The following OTOGL variants were observed in gnomAD, a reference collection of about 807,000 sequenced individuals.
The protein encoded by OTOGL is otogelin-like protein.
OTOGL carries 285 observed loss-of-function variants against 318.5 expected under a neutral mutation model. That is an observed-to-expected ratio of 0.89 (90% confidence interval 0.81 to 0.99). OTOGL has a LOEUF of 0.99. Among genes scored for constraint, OTOGL ranks in the 50% least tolerant of loss-of-function variants. The pLI is 0.00. For missense variants in OTOGL, 2,899 were observed against 2,845.6 expected, an observed-to-expected ratio of 1.02 and a Z score of -0.43; for synonymous variants, 987 against 936.5, an observed-to-expected ratio of 1.05 and a Z score of -0.99.
chr12:80,102,845 T>C, intron 1 of OTOGL: 1 of 707,092 alleles, frequency 1.4e-6, no homozygotes, highest in South Asian at 1.6e-5. Flanking sequence ...CATAAGGCTC[T>C]TCTTTTTTTT....
In OTOGL at chr12:80,378,656, T is replaced by A. The variant is rs1891312018; in HGVS notation, c.*608T>A. 1 of 152,212 alleles carries A rather than the reference T, an allele frequency of 6.6e-6. No homozygotes were observed. Among genetic ancestry groups the A allele is most frequent in the Admixed American group, 6.6e-5 (1 of 15,252 alleles). 9.4% of individuals were successfully genotyped at this position (152,212 alleles called of 1,614,324 possible). ...TCAGTGTAATAATATAGTAAATTCA[T>A]GTTAACAGTTGGATTAAATCCTAGC... On this transcript the variant is annotated 3_prime_UTR_variant, in exon 59 of 59. Transcript: ENST00000547103.
At chr12:80,331,660 A>G (rs1888079228) in intron 37 of OTOGL, among the ~76,000 whole-genome samples, 1 of 152,070 alleles carries the variant, frequency 6.6e-6, no homozygotes, top group Admixed American at 6.6e-5. Context: ...AAAGTTTTTA[A>G]AATGTCGTTG....
chr12:80,194,459 A>G (rs1331083929), intron 1 of OTOGL, among the ~76,000 whole-genome samples: 2 of 152,214 alleles, frequency 1.3e-5, no homozygotes, highest in Admixed American at 6.5e-5. Flanking sequence ...CAGAATCACC[A>G]TAAGTCACCA....
intron 1 of OTOGL, among the ~76,000 whole-genome samples, chr12:80,128,119 A>G (rs1030214849): frequency 1.3e-5 from 2 of 152,054 alleles, no homozygotes; most frequent in Admixed American, 1.3e-4. Flanking sequence ...AGGAGCTCTG[A>G]TTTTTAGAAT....
rs1286578636 is a variant in OTOGL, at chr12:80,217,642, T to C, written c.213T>C (p.Asn71=). Residue 71 remains asparagine (N), a synonymous_variant, in exon 5 of 59, where the codon AAT becomes AAC. Transcript: ENST00000547103. ...SPRYFFHDAI[N]WGESKIKGSC... ...GATACTTTTTCCATGATGCTATTAATTGGGGTGAGAGCAAAATAAAAGGTC... is the reference window on the plus strand; with the variant it reads ...GATACTTTTTCCATGATGCTATTAACTGGGGTGAGAGCAAAATAAAAGGTC... The C allele has an allele frequency of 1.9e-6, 3 of 1,553,410 alleles. No individual in the cohort carries two copies. Among genetic ancestry groups the C allele is most frequent in the Non-Finnish European group, 2.6e-6 (3 of 1,147,718 alleles).
intron 19 of OTOGL, among the ~76,000 whole-genome samples, chr12:80,264,475 A>G (rs1882791208): frequency 6.6e-6 from 1 of 152,198 alleles, no homozygotes; most frequent in Non-Finnish European, 1.5e-5. Context: ...TATCTGCCAG[A>G]CATTGTACAC....
At position 80,355,886 on chromosome 12, in the gene OTOGL, G is replaced by A. The variant is rs552528955; in HGVS notation, c.5744G>A (p.Arg1915Gln). 23 of 1,613,912 alleles carry A rather than the reference G, an allele frequency of 1.4e-5. No individual in the cohort carries two copies. Among genetic ancestry groups the A allele is most frequent in the African/African-American group, 1.2e-4 (9 of 75,032 alleles). Residue 1915 changes from arginine to glutamine, a missense_variant, in exon 47 of 59, where the codon CGA (arginine) becomes CAA (glutamine). By Grantham distance (43) the Arg-to-Gln change is conservative (BLOSUM62 1). Transcript: ENST00000547103. ...CDEEPTPVCEREAEVVMGIID... is the reference protein window; with the variant it reads ...CDEEPTPVCEQEAEVVMGIID... ...GAAGAGCCCACGCCAGTTTGTGAACGAGAAGCTGAAGTTGTCATGGGCATC... is the reference window on the plus strand; with the variant it reads ...GAAGAGCCCACGCCAGTTTGTGAACAAGAAGCTGAAGTTGTCATGGGCATC...
chr12:80,307,197 A>G (rs1462379725), intron 29 of OTOGL, among the ~76,000 whole-genome samples: 3 of 151,272 alleles, frequency 2.0e-5, no homozygotes, highest in East Asian at 1.9e-4. Context: ...AAAGTCTCCC[A>G]TGTCTACCTC....
intron 57 of OTOGL, 21 bp downstream of exon 57, chr12:80,372,085 T>A: frequency 6.7e-7 from 1 of 1,486,488 alleles, no homozygotes; most frequent in South Asian, 1.4e-5. Context: ...GCATATTCCA[T>A]GCATTTACTT....
chr12:80,279,124 A>G lies in OTOGL; in HGVS notation c.2886A>G (p.Leu962=). ...GDRHYYSFDG[L]EYDYISDCQV... ...GACATTATTATTCTTTTGATGGACT[A>G]GAATATGACTATATCAGTGATTGCC... Residue 962 remains leucine (L), a synonymous_variant, in exon 26 of 59, where the codon CTA becomes CTG. Transcript: ENST00000547103. 3 of 1,594,860 alleles carry G rather than the reference A, an allele frequency of 1.9e-6. No individual in the cohort carries two copies. Among genetic ancestry groups the G allele is most frequent in the Non-Finnish European group, 2.6e-6 (3 of 1,176,438 alleles).
intron 26 of OTOGL, among the ~76,000 whole-genome samples, chr12:80,282,627 C>G (rs1035173415): frequency 3.3e-5 from 5 of 151,688 alleles, no homozygotes; most frequent in Admixed American, 6.6e-5. Context: ...TTTGAACAAG[C>G]CTGTTTTAGC....
rs575159826 is a variant in OTOGL at position 80,279,403 on chromosome 12, A to G, written c.2928+237A>G. Reference sequence around the variant, plus strand: ...AGAATTTCATCATGCAGGTAGTAGCATAGTACCCAATAGATAGTTTTTTGA... The same window carrying G: ...AGAATTTCATCATGCAGGTAGTAGCGTAGTACCCAATAGATAGTTTTTTGA... On this transcript the variant is annotated intron_variant, in intron 26 of 58. Transcript: ENST00000547103. Among the ~76,000 whole-genome samples, 21 of 151,558 alleles carry G rather than the reference A, an allele frequency of 1.4e-4. No individual in the cohort carries two copies. The South Asian group carries it at 4.2e-3, about 30-fold the overall frequency.
intron 1 of OTOGL, among the ~76,000 whole-genome samples, chr12:80,128,072 G>A (rs957390803): frequency 9.2e-5 from 14 of 152,178 alleles, no homozygotes; most frequent in Admixed American, 2.0e-4. Context: ...GCTTTGTTCC[G>A]TTGCTGGTGA....
At chr12:80,263,913 A>C (rs1882744889) in intron 19 of OTOGL, among the ~76,000 whole-genome samples, 2 of 152,088 alleles carry the variant, frequency 1.3e-5, no homozygotes, top group South Asian at 4.1e-4. Context: ...TGGCATTAAG[A>C]ATATATATGT....
chr12:80,207,759 T>C (rs541435151), intron 1 of OTOGL, among the ~76,000 whole-genome samples: 15 of 152,322 alleles, frequency 9.8e-5, no homozygotes, highest in Non-Finnish European at 1.9e-4. Flanking sequence ...AAATATTTTG[T>C]TGGGGAAAAG....
At chr12:80,281,997 A>T (rs1035472005) in intron 26 of OTOGL, among the ~76,000 whole-genome samples, 1 of 151,842 alleles carries the variant, frequency 6.6e-6, no homozygotes, top group African/African-American at 2.4e-5. Context: ...CAATTCTAGA[A>T]ATGCTATTTT....
At chr12:80,334,441 A>G (rs1888269929) in intron 38 of OTOGL, among the ~76,000 whole-genome samples, 1 of 152,162 alleles carries the variant, frequency 6.6e-6, no homozygotes. Context: ...TTTGGCAGAC[A>G]TACATGGAGT....
chr12:80,359,987 C>T (rs937623879), intron 52 of OTOGL, among the ~76,000 whole-genome samples: 1 of 152,128 alleles, frequency 6.6e-6, no homozygotes, highest in Non-Finnish European at 1.5e-5. Flanking sequence ...CCAAGGATTG[C>T]TTTTTGTGTG....
At chr12:80,238,742 G>A in intron 9 of OTOGL, 109 bp from the exon 10 acceptor site, 2 of 1,218,284 alleles carry the variant, frequency 1.6e-6, no homozygotes, top group Non-Finnish European at 2.1e-6. Flanking sequence ...ATGTTACTGA[G>A]TTTAATGTTT....
Sources: allele counts gnomAD v4.1 joint callset (sites outside exome capture counted in the v4.1 genomes callset), GRCh38; gene constraint gnomAD v4.1.1; transcripts MANE v1.5; gene names NCBI Gene and HGNC (gene_info 2026-07-23, HGNC 2026-07-21).